The following SLC13A5 variants were observed in gnomAD, a reference collection of about 807,000 sequenced individuals.
SLC13A5 encodes solute carrier family 13 member 5.
In SLC13A5, 25 loss-of-function variants were observed where a neutral mutation model predicts 56.5. The ratio of observed to expected loss-of-function variants is 0.44; its 90% CI spans 0.32 to 0.62. The LOEUF is 0.62. SLC13A5 is among the 20% of genes least tolerant of loss of function. SLC13A5 has a pLI of 0.04. For missense variants in SLC13A5, 649 were observed against 737.8 expected (o/e 0.88, Z 1.39); for synonymous variants, 307 against 301.5 (o/e 1.02, Z -0.19).
chr17:6,687,496 T>A lies in SLC13A5; in HGVS notation c.1575+33A>T, dbSNP rs760616335. ...ATCCCTTATGACAACAGCGTTATAG[T>A]CCGACGGGAGTAAATAAAAACAGCT... On this transcript the variant is annotated intron_variant, in intron 11 of 11. Transcript: ENST00000433363. This position sits in a 1 kb window ranked among gnomAD's most constrained non-coding sequence, Gnocchi z 5.0. 1 of 1,612,930 alleles carries A rather than the reference T, an allele frequency of 6.2e-7. No individual in the cohort carries two copies. Among genetic ancestry groups the A allele is most frequent in the Non-Finnish European group, 8.5e-7 (1 of 1,179,596 alleles).
rs1347916148 is a variant in SLC13A5, at chr17:6,700,978, T to G, written c.839+26A>C. Reference sequence around the variant, plus strand: ...AGCTTTGAGGCATAATTAGGCATAATTAGGCTGTGAGCAGCTCAAACTTAC... The same window carrying G: ...AGCTTTGAGGCATAATTAGGCATAAGTAGGCTGTGAGCAGCTCAAACTTAC... On this transcript the variant is annotated intron_variant, in intron 6 of 11. Coordinates refer to ENST00000433363, the MANE Select transcript of SLC13A5 (RefSeq NM_177550.5). The G allele has an allele frequency of 1.9e-6, 3 of 1,613,472 alleles. No homozygotes were observed. The African/African-American group carries it at 4.0e-5, about 22-fold the overall frequency.
rs185268944 is a variant in SLC13A5, at chr17:6,692,859, T to C, written c.1275+185A>G. 22 of 598,188 alleles carry C rather than the reference T, an allele frequency of 3.7e-5. No homozygotes were observed. Among genetic ancestry groups the C allele is most frequent in the Non-Finnish European group, 6.0e-5 (20 of 335,036 alleles). The allele number at this position is 598,188 out of a possible 1,614,324, so 37.1% of individuals were successfully genotyped here. On this transcript the variant is annotated intron_variant, in intron 9 of 11. Coordinates refer to ENST00000433363, the MANE Select transcript of SLC13A5 (RefSeq NM_177550.5). This position sits in a 1 kb window ranked among gnomAD's most constrained non-coding sequence, Gnocchi z 5.5. ...AATCGCTCAAAGGTTACTTTCTGTC[T>C]TCCAGGCCCTGTGTGTGGTGTAGAG...
chr17:6,707,923 A>T (rs1269972830), intron 1 of SLC13A5, among the ~76,000 whole-genome samples: 1 of 152,170 alleles, frequency 6.6e-6, no homozygotes, highest in Non-Finnish European at 1.5e-5. Flanking sequence ...AATAATAATT[A>T]TGTGATAAAA....
At chr17:6,712,662 A>G (rs1974071438) in intron 1 of SLC13A5, among the ~76,000 whole-genome samples, 1 of 152,232 alleles carries the variant, frequency 6.6e-6, no homozygotes. Context: ...AGGAATGTGG[A>G]TCATAGATAG....
At chr17:6,702,550 C>T (rs1051738455) in intron 5 of SLC13A5, among the ~76,000 whole-genome samples, 1 of 152,196 alleles carries the variant, frequency 6.6e-6, no homozygotes, top group African/African-American at 2.4e-5. Flanking sequence ...AAAGGGAGTG[C>T]TGGGGAGTCT....
rs575256764 is a variant in SLC13A5 at position 6,713,145 on chromosome 17, G to A, written c.102+87C>T. The A allele has an allele frequency of 3.7e-6, 5 of 1,355,052 alleles. No homozygotes were observed. Among genetic ancestry groups the A allele is most frequent in the Middle Eastern group, 1.9e-4 (1 of 5,294 alleles). The allele number at this position is 1,355,052 out of a possible 1,614,324, so 83.9% of individuals were successfully genotyped here. On this transcript the variant is annotated intron_variant, in intron 1 of 11. Coordinates refer to ENST00000433363, the MANE Select transcript of SLC13A5 (RefSeq NM_177550.5). This position sits in a 1 kb window ranked among gnomAD's most constrained non-coding sequence, Gnocchi z 7.3. Reference sequence around the variant, plus strand: ...GCTGTGCTCCCCGCGAAATCCGTGCGCTCCAGCTCAGGGCTCCCGGGATCG... The same window carrying A: ...GCTGTGCTCCCCGCGAAATCCGTGCACTCCAGCTCAGGGCTCCCGGGATCG...
intron 4 of SLC13A5, 134 bp downstream of exon 4, chr17:6,703,744 T>C: frequency 1.1e-6 from 1 of 884,872 alleles, no homozygotes; most frequent in East Asian, 2.7e-5. Context: ...TATTTTCTAT[T>C]TTTTTTTCTC....
In SLC13A5 at chr17:6,711,378, C is replaced by T. The variant is rs1450514484; in HGVS notation, c.102+1854G>A. 2.0e-5 allele frequency among the ~76,000 whole-genome samples: 3 copies of T among 152,116 alleles called. No individual in the cohort carries two copies. Among genetic ancestry groups the T allele is most frequent in the African/African-American group, 7.2e-5 (3 of 41,422 alleles). ...ACTCTCCCTGGGTTCTCTTCTTCCCCTCCCTGGTCCTCACTCAAAGGACAG... is the reference window on the plus strand; with the variant it reads ...ACTCTCCCTGGGTTCTCTTCTTCCCTTCCCTGGTCCTCACTCAAAGGACAG... On this transcript the variant is annotated intron_variant, in intron 1 of 11. Coordinates refer to ENST00000433363, the MANE Select transcript of SLC13A5 (RefSeq NM_177550.5). This position sits in a 1 kb window ranked among gnomAD's most constrained non-coding sequence, Gnocchi z 4.0.
rs1973426550 is a variant in SLC13A5 at position 6,692,167 on chromosome 17, A to ATG, written c.1275+876_1275+877insCA. Among the ~76,000 whole-genome samples, 13 of 99,934 alleles carry ATG rather than the reference A, an allele frequency of 1.3e-4. No individual in the cohort carries two copies. Among genetic ancestry groups the ATG allele is most frequent in the South Asian group, 2.9e-4 (1 of 3,390 alleles). The allele number at this position is 99,934 out of a possible 152,430, so 65.6% of individuals were successfully genotyped here. A position where few individuals can be genotyped will look rare whatever the true frequency, so the allele number is the denominator to read the frequency against. On this transcript the variant is annotated intron_variant, in intron 9 of 11. Transcript: ENST00000433363. The surrounding 1 kb of genome is among the most constrained non-coding windows in gnomAD (Gnocchi z 5.5). Reference sequence around the variant, plus strand: ...TGGATGGATGGATGGATGGATGGATAGATGGGTGGATGGATGGATGGATAG... The same window carrying ATG: ...TGGATGGATGGATGGATGGATGGATATGGATGGGTGGATGGATGGATGGATAG...
Position 6,713,025 on chromosome 17 carries a change from G to A in SLC13A5, c.102+207C>T, listed in dbSNP as rs1322006979. ...CGCCCTGGGATCTGTAAACCCCAAG[G>A]GTGGTGCGCCCTGGGGTCGCCATGC... On this transcript the variant is annotated intron_variant, in intron 1 of 11. Transcript: ENST00000433363. The surrounding 1 kb of genome is among the most constrained non-coding windows in gnomAD (Gnocchi z 7.3). 6.6e-6 allele frequency among the ~76,000 whole-genome samples: 1 copy of A among 152,178 alleles called. No individual in the cohort carries two copies. Among genetic ancestry groups the A allele is most frequent in the African/African-American group, 2.4e-5 (1 of 41,448 alleles).
chr17:6,694,481 G>T (rs1973506022), intron 7 of SLC13A5, among the ~76,000 whole-genome samples: 1 of 152,140 alleles, frequency 6.6e-6, no homozygotes, highest in African/African-American at 2.4e-5. Context: ...AGCCAGACAT[G>T]CTGGCGGGCG....
At position 6,712,583 on chromosome 17, in the gene SLC13A5, G is replaced by A. The variant is rs144558189; in HGVS notation, c.102+649C>T. 7.2e-3 allele frequency among the ~76,000 whole-genome samples: 1,091 copies of A among 152,340 alleles called. 3 individuals are homozygous for A. Among genetic ancestry groups the A allele is most frequent in the Non-Finnish European group, 0.012 (785 of 68,026 alleles). ...ACAGCCCCAGCAGGCAGGAGGCAAAGCAGGCCAACCCCAACCTGCCTGCAG... is the reference window on the plus strand; with the variant it reads ...ACAGCCCCAGCAGGCAGGAGGCAAAACAGGCCAACCCCAACCTGCCTGCAG... On this transcript the variant is annotated intron_variant, in intron 1 of 11. Coordinates refer to ENST00000433363, the MANE Select transcript of SLC13A5 (RefSeq NM_177550.5).
chr17:6,706,978 G>A (rs984931378), intron 2 of SLC13A5, 50 bp downstream of exon 2: 1 of 1,430,426 alleles, frequency 7.0e-7, no homozygotes, highest in Non-Finnish European at 9.8e-7. Flanking sequence ...ACTAGAGAAA[G>A]AGAGAAGGGG....
chr17:6,686,448 G>A, intron 11 of SLC13A5, 110 bp from the exon 12 acceptor site: 1 of 1,441,044 alleles, frequency 6.9e-7, no homozygotes, highest in Non-Finnish European at 9.5e-7. Context: ...GCCATGCTCT[G>A]TCCCTGGCTG....
In SLC13A5 at chr17:6,711,841, C is replaced by T. The variant is rs1974048360; in HGVS notation, c.102+1391G>A. ...CGCAGCTCTCCTGCCTGGCTACTTCCCCTGGACAATAACAACCCCAGACTT... is the reference window on the plus strand; with the variant it reads ...CGCAGCTCTCCTGCCTGGCTACTTCTCCTGGACAATAACAACCCCAGACTT... On this transcript the variant is annotated intron_variant, in intron 1 of 11. Transcript: ENST00000433363. This position sits in a 1 kb window ranked among gnomAD's most constrained non-coding sequence, Gnocchi z 4.0. Among the ~76,000 whole-genome samples the T allele has an allele frequency of 6.6e-6, 1 of 152,078 alleles. No homozygotes were observed. The highest frequency in any genetic ancestry group is 1.5e-5 in the Non-Finnish European group (1 of 68,026).
At chr17:6,706,837 C>T (rs1339983895) in intron 2 of SLC13A5, 59 bp from the exon 3 acceptor site, 1 of 1,599,998 alleles carries the variant, frequency 6.3e-7, no homozygotes, top group Admixed American at 1.7e-5. Flanking sequence ...TAGAGCCACC[C>T]AGTCCCCAGA....
In SLC13A5 at chr17:6,702,094, G is replaced by A. The variant is rs573008328; in HGVS notation, c.716+876C>T. Among the ~76,000 whole-genome samples the A allele has an allele frequency of 3.3e-5, 5 of 152,272 alleles. No individual in the cohort carries two copies. In the East Asian group the frequency reaches 5.8e-4, roughly 18 times the overall value. On this transcript the variant is annotated intron_variant, in intron 5 of 11. Transcript: ENST00000433363. ...AAACAAACGGGTTGTTGAACCTCAC[G>A]TTTCTGCCCAGCCAGGCTCCAGACC... is the stretch of plus-strand genomic sequence containing the variant.
intron 6 of SLC13A5, among the ~76,000 whole-genome samples, chr17:6,697,052 G>C (rs563931426): frequency 1.3e-5 from 2 of 152,096 alleles, no homozygotes; most frequent in Non-Finnish European, 2.9e-5. Context: ...TACACGGCTG[G>C]CTAGGATCTC....
chr17:6,709,268 TTTAC>T lies in SLC13A5; in HGVS notation c.103-2116_103-2113del, dbSNP rs1282093164. Among the ~76,000 whole-genome samples, 109 of 123,216 alleles carry T rather than the reference TTTAC, an allele frequency of 8.8e-4. 1 individual carries two copies. Among genetic ancestry groups the T allele is most frequent in the Non-Finnish European group, 1.4e-3 (75 of 52,456 alleles). 80.8% of individuals were successfully genotyped at this position (123,216 alleles called of 152,430 possible). On this transcript the variant is annotated intron_variant, in intron 1 of 11. Coordinates refer to ENST00000433363, the MANE Select transcript of SLC13A5 (RefSeq NM_177550.5). ...GCTTATTTATTTATTTATTTATTTA[TTTAC>T]TTACTTACTTATTTTTGAGACAGAG...
Sources: gnomAD v4.1 joint callset for allele counts (sites outside exome capture counted in the v4.1 genomes callset) on GRCh38, gnomAD v4.1.1 for gene constraint, Gnocchi (gnomAD v3.1) non-coding constraint, MANE v1.5 for transcripts, NCBI Gene and HGNC (gene_info 2026-07-23, HGNC 2026-07-21) for gene names.